Variants in GOLGA8M observed in about 807,000 individuals in gnomAD.
The protein encoded by GOLGA8M is golgin A8 family member M, also known as golgin subfamily A member 8M.
Under a neutral mutation model 87.7 loss-of-function variants are expected in GOLGA8M, and 34 were observed. The ratio of observed to expected loss-of-function variants is 0.39; its 90% CI spans 0.29 to 0.52. The LOEUF is 0.52. GOLGA8M is among the 20% of genes least tolerant of loss of function. The pLI is 0.80. For missense variants in GOLGA8M, 396 were observed against 682.2 expected, an observed-to-expected ratio of 0.58 and a Z score of 4.67; for synonymous variants, 138 against 250.2, an observed-to-expected ratio of 0.55 and a Z score of 4.23.
intron 5 of GOLGA8M, 82 bp downstream of exon 5, chr15:28,708,293 G>C (rs752053284): frequency 1.9e-6 from 3 of 1,611,630 alleles, no homozygotes; most frequent in Non-Finnish European, 2.5e-6. Flanking sequence ...CCAGGTTATC[G>C]GGGCCCTGTG....
rs1469918120 is a variant in GOLGA8M, at chr15:28,707,855, T to A, written c.484A>T (p.Lys162Ter). 2 of 1,566,944 alleles carry A rather than the reference T, an allele frequency of 1.3e-6. No homozygotes were observed. ...AGGCGGACAGCCAGATCCTTGGACT[T>A]TTCTGTAGTGAGAGAGTTGAGATGG... ...MKRSLRYFEE[K>*]SKDLAVRLQH... Residue 162 changes from lysine to a stop codon, truncating the protein, a stop_gained and splice_region_variant, in exon 8 of 19, where the codon AAG becomes TAG. Transcript: ENST00000563027. LOFTEE classifies it high-confidence loss of function.
rs760930516 is a variant in GOLGA8M, at chr15:28,708,021, A to G, written c.413T>C (p.Leu138Ser). The G allele has an allele frequency of 2.5e-6, 4 of 1,591,662 alleles. No individual in the cohort carries two copies. Among genetic ancestry groups the G allele is most frequent in the Non-Finnish European group, 3.4e-6 (4 of 1,177,222 alleles). Residue 138 changes from leucine to serine, a missense_variant, in exon 7 of 19, where the codon TTG becomes TCG. Leu to Ser is a moderately radical substitution (Grantham distance 145, BLOSUM62 -2). This residue lies in a region of GOLGA8M where 80 missense variants were observed against 119.9 expected (regional missense o/e 0.67). Coordinates refer to ENST00000563027, the MANE Select transcript of GOLGA8M (RefSeq NM_001282468.3). ...ATTTAGTTCCTCTTTCTGTATGTTC[A>G]ATGTCTGGAGTTGAACCTTTGGGAG... ...KRVLEVQLQTLNIQKEELNTD... is the reference protein window; with the variant it reads ...KRVLEVQLQTSNIQKEELNTD...
chr15:28,701,445 T>C lies in GOLGA8M; in HGVS notation c.*509A>G, dbSNP rs1342180781. On this transcript the variant is annotated 3_prime_UTR_variant, in exon 19 of 19. Transcript: ENST00000563027. ...AAATGTCAGTACTCATAGTGGCATA[T>C]TACAAAGTAATAAACAGTGCACACT... Among the ~76,000 whole-genome samples the C allele has an allele frequency of 1.3e-5, 2 of 151,978 alleles. No individual in the cohort carries two copies. Among genetic ancestry groups the C allele is most frequent in the Middle Eastern group, 3.4e-3 (1 of 294 alleles).
chr15:28,702,874 TG>T, intron 15 of GOLGA8M, 129 bp from the exon 16 acceptor site: 1 of 1,543,972 alleles, frequency 6.5e-7, no homozygotes, highest in Non-Finnish European at 8.6e-7. Flanking sequence ...CAGGGCCCAG[TG>T]GGTCTCCCCA....
At chr15:28,706,974 G>C (rs2080052022) in intron 8 of GOLGA8M, among the ~76,000 whole-genome samples, 1 of 143,454 alleles carries the variant, frequency 7.0e-6, no homozygotes, top group African/African-American at 2.6e-5. Context: ...AACCTTTGTG[G>C]AATGCTTCAC....
rs1325895461 is a variant in GOLGA8M, at chr15:28,705,067, A to G, written c.1200+92T>C. 4 of 1,563,304 alleles carry G rather than the reference A, an allele frequency of 2.6e-6. No individual in the cohort carries two copies. In the Admixed American group the frequency reaches 7.3e-5, roughly 29 times the overall value. On this transcript the variant is annotated intron_variant, in intron 13 of 18. Transcript: ENST00000563027. ...TGTGGTCACCAGCCCCCAGGCTGGA[A>G]GCTGCCTCTGGCCTGGTACCTCCCC...
chr15:28,711,748 G>C, intron 1 of GOLGA8M: 1 of 984,954 alleles, frequency 1.0e-6, no homozygotes, highest in Non-Finnish European at 1.2e-6. Context: ...TCGGGGGGAG[G>C]GACCATGTCA....
rs148718956 is a variant in GOLGA8M, at chr15:28,711,478, G to A, written c.48+798C>T. The A allele has an allele frequency of 1.6e-3, 1,607 of 984,888 alleles. 21 individuals are homozygous for A. In the African/African-American group the frequency reaches 0.026, roughly 16 times the overall value. 61.0% of individuals were successfully genotyped at this position (984,888 alleles called of 1,614,324 possible). ...TCTCTCATTGCCACCCAGAGATACC[G>A]TCAATGTTTTGAGTTCATGGGGGAA... is the stretch of plus-strand genomic sequence containing the variant. On this transcript the variant is annotated intron_variant, in intron 1 of 18. Coordinates refer to ENST00000563027, the MANE Select transcript of GOLGA8M (RefSeq NM_001282468.3).
rs534355445 is a variant in GOLGA8M, at chr15:28,699,169, AT to A, written c.*2784del. Among the ~76,000 whole-genome samples, 86 of 142,684 alleles carry A rather than the reference AT, an allele frequency of 6.0e-4. 1 individual carries two copies. The highest frequency in any genetic ancestry group is 1.5e-3 in the Admixed American group (20 of 13,198). 93.6% of individuals were successfully genotyped at this position (142,684 alleles called of 152,430 possible). A position where few individuals can be genotyped will look rare whatever the true frequency, so the allele number is the denominator to read the frequency against. ...AAAATCAGCTTTGGTTTTAGAGCTG[AT>A]TTTTTTTTTCATTTCTGGAAAATTA... On this transcript the variant is annotated 3_prime_UTR_variant, in exon 19 of 19. Coordinates refer to ENST00000563027, the MANE Select transcript of GOLGA8M (RefSeq NM_001282468.3).
Position 28,708,158 on chromosome 15 carries a change from T to C in GOLGA8M, c.364A>G (p.Asn122Asp), listed in dbSNP as rs1263350799. The C allele has an allele frequency of 3.8e-6, 6 of 1,586,954 alleles. No homozygotes were observed. The highest frequency in any genetic ancestry group is 3.6e-5 in the Admixed American group (2 of 55,402). ...HQLEEEKKANNKKQKAKRVLE... is the reference protein window; with the variant it reads ...HQLEEEKKANDKKQKAKRVLE... ...ACCCTTTTGGCTTTCTGTTTCTTGT[T>C]GTTTGCTTTCTTTTCCTGTAGGAAG... Residue 122 changes from asparagine (N) to aspartate (D), a missense_variant, in exon 6 of 19, where the codon AAC becomes GAC. This residue lies in a region of GOLGA8M where 80 missense variants were observed against 119.9 expected (regional missense o/e 0.67). Coordinates refer to ENST00000563027, the MANE Select transcript of GOLGA8M (RefSeq NM_001282468.3).
In GOLGA8M at chr15:28,703,497, C is replaced by A; in HGVS notation, c.1277-87G>T. On this transcript the variant is annotated intron_variant, in intron 14 of 18. Coordinates refer to ENST00000563027, the MANE Select transcript of GOLGA8M (RefSeq NM_001282468.3). ...CTCTACCTCCACCCTCACTGTGTAA[C>A]CCTGAGCCAGCCCCTCCCCAGAGAG... 3 of 534,070 alleles carry A rather than the reference C, an allele frequency of 5.6e-6. No homozygotes were observed. The East Asian group carries it at 1.5e-4, about 26-fold the overall frequency. 33.1% of individuals were successfully genotyped at this position (534,070 alleles called of 1,614,324 possible).
At chr15:28,711,690 G>C in intron 1 of GOLGA8M, 1 of 981,592 alleles carries the variant, frequency 1.0e-6, no homozygotes, top group Non-Finnish European at 1.2e-6. Flanking sequence ...TTGCAGTAAC[G>C]GCAGTTACTA....
intron 12 of GOLGA8M, 126 bp from the exon 13 acceptor site, chr15:28,705,353 C>T: frequency 8.3e-7 from 1 of 1,209,982 alleles, no homozygotes; most frequent in South Asian, 1.3e-5. Context: ...TCTCCCACAG[C>T]CACCTGGCTC....
chr15:28,708,806 G>A (rs1422202045), intron 4 of GOLGA8M, among the ~76,000 whole-genome samples: 1 of 151,680 alleles, frequency 6.6e-6, no homozygotes, highest in African/African-American at 2.4e-5. Context: ...GGACAGACAG[G>A]AGCCCTTAGC....
intron 4 of GOLGA8M, among the ~76,000 whole-genome samples, chr15:28,708,695 T>A (rs1396188550): frequency 6.6e-6 from 1 of 151,738 alleles, no homozygotes; most frequent in East Asian, 1.9e-4. Context: ...GGCCCCTCCT[T>A]CTGGCAGCTT....
Position 28,702,502 on chromosome 15 carries a change from T to C in GOLGA8M, c.1530A>G (p.Gly510=). The change falls in exon 17 of 19, where the codon GGA becomes GGG. Residue 510 remains glycine (G), a synonymous_variant. Transcript: ENST00000563027. ...GGRAKDAALG[G]GHHQAGAQGG... Reference sequence around the variant, plus strand: ...CCTGAGCTCCAGCCTGATGGTGTCCTCCTCCCAGTGCCGCATCTTTGGCAC... The same window carrying C: ...CCTGAGCTCCAGCCTGATGGTGTCCCCCTCCCAGTGCCGCATCTTTGGCAC... 3 of 1,575,328 alleles carry C rather than the reference T, an allele frequency of 1.9e-6. No homozygotes were observed. Among genetic ancestry groups the C allele is most frequent in the South Asian group, 1.1e-5 (1 of 90,172 alleles).
chr15:28,708,271 C>T (rs1363594682), intron 5 of GOLGA8M, 98 bp from the exon 6 acceptor site: 1 of 1,609,626 alleles, frequency 6.2e-7, no homozygotes, highest in South Asian at 1.1e-5. Flanking sequence ...CAGGACAGGC[C>T]CACCCATGGG....
At position 28,706,681 on chromosome 15, in the gene GOLGA8M, C is replaced by CT; in HGVS notation, c.609dup (p.Ala204SerfsTer37). The CT allele has an allele frequency of 1.3e-6, 2 of 1,540,974 alleles. No individual in the cohort carries two copies. Among genetic ancestry groups the CT allele is most frequent in the Non-Finnish European group, 1.8e-6 (2 of 1,126,200 alleles). On this transcript the variant is annotated frameshift_variant, in exon 9 of 19. Coordinates refer to ENST00000563027, the MANE Select transcript of GOLGA8M (RefSeq NM_001282468.3). LOFTEE classifies it high-confidence loss of function. ...TGCTCTAACTTCCACTCCGTACCTG[C>CT]TTTACTGGGGCTGGACAACTGGATG... is the stretch of plus-strand genomic sequence containing the variant.
At chr15:28,706,031 CA>C (rs2080016810) in intron 11 of GOLGA8M, 84 bp downstream of exon 11, 2 of 676,928 alleles carry the variant, frequency 3.0e-6, no homozygotes, top group South Asian at 3.5e-5. Flanking sequence ...CCCTTCCATC[CA>C]CCCACCTCCC....
Sources: allele counts gnomAD v4.1 joint callset (sites outside exome capture counted in the v4.1 genomes callset), GRCh38; gene constraint gnomAD v4.1.1; regional missense constraint gnomAD v4.1.1; transcripts MANE v1.5; gene names NCBI Gene and HGNC (gene_info 2026-07-23, HGNC 2026-07-21).